The following NAV3 variants were observed in gnomAD, a reference collection of about 807,000 sequenced individuals.
NAV3 encodes the protein neuron navigator 3, also known as pore membrane and/or filament interacting like protein 1.
NAV3 carries 87 observed loss-of-function variants against 244.7 expected under a neutral mutation model. The ratio of observed to expected loss-of-function variants is 0.36; its 90% CI spans 0.30 to 0.42. NAV3 has a LOEUF of 0.42. Among genes scored for constraint, NAV3 ranks in the 20% least tolerant of loss-of-function variants. The probability of loss-of-function intolerance (pLI) is 1.00; values close to 1 mark genes in which losing one functional copy is unlikely to be tolerated. For missense variants in NAV3, 2,663 were observed against 2,893.3 expected, an observed-to-expected ratio of 0.92 and a Z score of 1.83; for synonymous variants, 1,126 against 1,042.2, an observed-to-expected ratio of 1.08 and a Z score of -1.55.
chr12:77,768,418 G>A (rs564174508), intron 2 of NAV3, among the ~76,000 whole-genome samples: 12 of 152,314 alleles, frequency 7.9e-5, no homozygotes, highest in African/African-American at 2.6e-4. Flanking sequence ...ATGCCTTCAG[G>A]CCTGCACCAA....
Position 77,705,143 on chromosome 12 carries a change from G to T in NAV3, c.72+132877G>T, listed in dbSNP as rs141048083. Among the ~76,000 whole-genome samples the T allele has an allele frequency of 8.4e-3, 1,275 of 152,260 alleles. 6 individuals carry two copies. Among genetic ancestry groups the T allele is most frequent in the Middle Eastern group, 0.017 (5 of 294 alleles). On this transcript the variant is annotated intron_variant, in intron 2 of 8. Transcript: ENST00000550042. ...AAAACAAAAAACAATCTCAAGTTGG[G>T]TGCAGTGGCTCATGCCTGTAATCCC...
At chr12:78,100,044 T>C (rs1954460470) in intron 12 of NAV3, among the ~76,000 whole-genome samples, 2 of 151,874 alleles carry the variant, frequency 1.3e-5, no homozygotes, top group African/African-American at 4.8e-5. Context: ...AATAAAAAGG[T>C]CAGTGTATAA....
chr12:78,199,141 G>T, intron 36 of NAV3, 194 bp from the exon 37 acceptor site: 1 of 658,382 alleles, frequency 1.5e-6, no homozygotes, highest in Non-Finnish European at 2.8e-6. Context: ...AGTAGAGTTA[G>T]CTACATTATA....
intron 1 of NAV3, among the ~76,000 whole-genome samples, chr12:77,835,737 C>A (rs553328769): frequency 6.6e-6 from 1 of 152,238 alleles, no homozygotes; most frequent in South Asian, 2.1e-4. Context: ...GTCTCTCTAC[C>A]CACATCCATG....
chr12:77,926,720 A>G (rs1415075014), intron 1 of NAV3, among the ~76,000 whole-genome samples: 1 of 152,160 alleles, frequency 6.6e-6, no homozygotes, highest in Non-Finnish European at 1.5e-5. Flanking sequence ...CCAGTCTCGG[A>G]TTCAATAGAT....
At chr12:77,752,000 C>T (rs1172387930) in intron 2 of NAV3, among the ~76,000 whole-genome samples, 1 of 152,066 alleles carries the variant, frequency 6.6e-6, no homozygotes, top group Non-Finnish European at 1.5e-5. Flanking sequence ...AAATTGGTGA[C>T]TCATTTTTAT....
chr12:78,128,683 G>A (rs775742235), intron 17 of NAV3, 23 bp from the exon 18 acceptor site: 2 of 1,609,988 alleles, frequency 1.2e-6, no homozygotes, highest in African/African-American at 1.3e-5. Context: ...GTGCTTAAGT[G>A]TCATAGCTGT....
chr12:78,174,702 G>C (rs567798142), intron 24 of NAV3, among the ~76,000 whole-genome samples: 1 of 152,036 alleles, frequency 6.6e-6, no homozygotes, highest in Non-Finnish European at 1.5e-5. Flanking sequence ...CACAAACTCA[G>C]TCTACCTAGG....
At chr12:77,621,477 C>CTTTTT (rs1217567447) in intron 2 of NAV3, among the ~76,000 whole-genome samples, 4 of 135,038 alleles carry the variant, frequency 3.0e-5, no homozygotes, top group South Asian at 4.6e-4. Context: ...TTTCTCTTCT[C>CTTTTT]TTTTTTTTTT....
chr12:78,066,708 G>T (rs984138563), intron 12 of NAV3, among the ~76,000 whole-genome samples: 2 of 151,984 alleles, frequency 1.3e-5, no homozygotes, highest in African/African-American at 4.8e-5. Context: ...TTTATTGAAA[G>T]TATAAAAGCA....
intron 1 of NAV3, among the ~76,000 whole-genome samples, chr12:77,854,577 GTA>G (rs1291514564): frequency 0.19 from 17,848 of 93,542 alleles, 1,225 homozygotes; most frequent in East Asian, 0.38. Flanking sequence ...CCAATTGTGT[GTA>G]TGTGTGTATG....
chr12:78,013,231 G>A (rs953708345), intron 8 of NAV3, among the ~76,000 whole-genome samples: 1 of 151,876 alleles, frequency 6.6e-6, no homozygotes, highest in Non-Finnish European at 1.5e-5. Context: ...AAAATCATAC[G>A]TCCTATGTCG....
In NAV3 at chr12:78,132,707, A is replaced by G. The variant is rs1056921518; in HGVS notation, c.4441+3841A>G. Reference sequence around the variant, plus strand: ...TTTTTTTATCCTAAACCCTTTTTCTATGTTCTCATTCACAACTTTAATTCT... The same window carrying G: ...TTTTTTTATCCTAAACCCTTTTTCTGTGTTCTCATTCACAACTTTAATTCT... On this transcript the variant is annotated intron_variant, in intron 18 of 39. Transcript: ENST00000397909. 1.6e-4 allele frequency among the ~76,000 whole-genome samples: 24 copies of G among 151,950 alleles called. 1 individual carries two copies. Among genetic ancestry groups the G allele is most frequent in the South Asian group, 6.2e-4 (3 of 4,824 alleles).
chr12:78,121,323 G>A (rs1955657780), intron 15 of NAV3, among the ~76,000 whole-genome samples: 1 of 152,114 alleles, frequency 6.6e-6, no homozygotes, highest in Non-Finnish European at 1.5e-5. Context: ...GAATAGCACT[G>A]GCAACTGACA....
At chr12:77,844,965 T>C (rs1876363330) in intron 1 of NAV3, among the ~76,000 whole-genome samples, 1 of 152,328 alleles carries the variant, frequency 6.6e-6, no homozygotes, top group Admixed American at 6.5e-5. Context: ...AAAAGCGTAC[T>C]GTTATAGCAT....
chr12:78,006,095 G>T (rs923980810), intron 7 of NAV3, among the ~76,000 whole-genome samples: 12 of 152,222 alleles, frequency 7.9e-5, no homozygotes, highest in Admixed American at 6.5e-4. Flanking sequence ...ATAACAAAGA[G>T]AATTGCTTAG....
chr12:78,037,839 C>T (rs766700507), intron 9 of NAV3, among the ~76,000 whole-genome samples: 41 of 152,272 alleles, frequency 2.7e-4, no homozygotes, highest in African/African-American at 8.2e-4. Context: ...CTGCTGCCTC[C>T]GTGCTACCTG....
chr12:78,091,035 A>C (rs1449829346), intron 12 of NAV3, among the ~76,000 whole-genome samples: 1 of 150,730 alleles, frequency 6.6e-6, no homozygotes, highest in East Asian at 2.0e-4. Flanking sequence ...TTAGCTTTTT[A>C]CTCAATTATA....
intron 19 of NAV3, among the ~76,000 whole-genome samples, chr12:78,137,898 TTATAGTTA>T (rs1315309797): frequency 5.9e-5 from 9 of 152,170 alleles, no homozygotes; most frequent in Admixed American, 4.6e-4. Flanking sequence ...ATAAATATCT[TTATAGTTA>T]TATAGTTCTA....
Sources: gnomAD v4.1 joint callset for allele counts (sites outside exome capture counted in the v4.1 genomes callset) on GRCh38, gnomAD v4.1.1 for gene constraint, MANE v1.5 for transcripts, NCBI Gene and HGNC (gene_info 2026-07-23, HGNC 2026-07-21) for gene names.